Variants in TRPC7 observed in about 807,000 individuals in gnomAD.
TRPC7 encodes transient receptor potential cation channel subfamily C member 7.
Under a neutral mutation model 90.1 loss-of-function variants are expected in TRPC7, and 42 were observed. That is an observed-to-expected ratio of 0.47 (90% CI 0.36 to 0.60). The LOEUF (loss-of-function observed/expected upper bound fraction) is 0.60, where lower values mean the gene tolerates loss of function less well. TRPC7 is among the 20% of genes least tolerant of loss of function. TRPC7 has a pLI of 0.00. For missense variants in TRPC7, 955 were observed against 1,112.3 expected, an observed-to-expected ratio of 0.86 and a Z score of 2.01; for synonymous variants, 451 against 436.3, an observed-to-expected ratio of 1.03 and a Z score of -0.42.
At chr5:136,252,632 G>T (rs955142178) in intron 5 of TRPC7, among the ~76,000 whole-genome samples, 1 of 149,980 alleles carries the variant, frequency 6.7e-6, no homozygotes, top group Admixed American at 6.6e-5. Context: ...TGGAGTGGGG[G>T]TGGAGGGTGG....
chr5:136,294,479 G>A (rs1758085568), intron 3 of TRPC7, among the ~76,000 whole-genome samples: 1 of 152,038 alleles, frequency 6.6e-6, no homozygotes, highest in African/African-American at 2.4e-5. Context: ...AGTGGGCGAA[G>A]GATATGAACA....
intron 3 of TRPC7, among the ~76,000 whole-genome samples, chr5:136,305,317 C>G (rs61299732): frequency 0.18 from 27,669 of 151,934 alleles, 3,956 homozygotes; most frequent in African/African-American, 0.39. Context: ...CAGGCCTAAT[C>G]GCCACACACC....
intron 3 of TRPC7, among the ~76,000 whole-genome samples, chr5:136,279,422 C>CGGG (rs1258656101): frequency 2.6e-5 from 4 of 152,134 alleles, no homozygotes; most frequent in Non-Finnish European, 4.4e-5. Flanking sequence ...TTCCTGAGTG[C>CGGG]GGGGGTGAAG....
chr5:136,264,462 G>A (rs1219839280), intron 5 of TRPC7, among the ~76,000 whole-genome samples: 1 of 152,180 alleles, frequency 6.6e-6, no homozygotes, highest in East Asian at 1.9e-4. Context: ...GTACTAGGGA[G>A]AACTGGGATA....
chr5:136,335,291 G>C (rs1759618660), intron 2 of TRPC7, among the ~76,000 whole-genome samples: 1 of 151,992 alleles, frequency 6.6e-6, no homozygotes, highest in African/African-American at 2.4e-5. Context: ...TTCAAAATCT[G>C]CAAGCTGAAC....
rs1464634158 is a variant in TRPC7 at position 136,236,745 on chromosome 5, A to G, written c.1845-5196T>C. ...AGAGGCAGTTGTATACGGGCCTCAG[A>G]GAGCAAACTGATCAACAAGGAGAGG... is the stretch of plus-strand genomic sequence containing the variant. On this transcript the variant is annotated intron_variant, in intron 7 of 11. Transcript: ENST00000513104. Among the ~76,000 whole-genome samples, 5 of 152,218 alleles carry G rather than the reference A, an allele frequency of 3.3e-5. No individual in the cohort carries two copies. In the East Asian group the frequency reaches 9.6e-4, roughly 29 times the overall value.
At chr5:136,309,346 C>T (rs1475674815) in intron 3 of TRPC7, among the ~76,000 whole-genome samples, 1 of 152,232 alleles carries the variant, frequency 6.6e-6, no homozygotes, top group Non-Finnish European at 1.5e-5. Context: ...GCAGGACTAT[C>T]AGACCTACTG....
chr5:136,321,571 A>C (rs1263649658), intron 2 of TRPC7, among the ~76,000 whole-genome samples: 2 of 152,192 alleles, frequency 1.3e-5, no homozygotes. Flanking sequence ...CACAAATAAC[A>C]AGATAAAAAC....
intron 8 of TRPC7, 129 bp from the exon 9 acceptor site, chr5:136,226,384 T>C: frequency 3.0e-6 from 2 of 672,646 alleles, no homozygotes; most frequent in South Asian, 3.8e-5. Context: ...GGTGTAGTTT[T>C]TCTACAGATG....
At chr5:136,364,805 C>T (rs1288651042) in intron 1 of TRPC7, among the ~76,000 whole-genome samples, 1 of 152,136 alleles carries the variant, frequency 6.6e-6, no homozygotes, top group African/African-American at 2.4e-5. Context: ...AGAAAAATGA[C>T]AATCTCTTTC....
chr5:136,277,321 C>T (rs1757396723), intron 3 of TRPC7, among the ~76,000 whole-genome samples: 1 of 152,232 alleles, frequency 6.6e-6, no homozygotes, highest in Admixed American at 6.5e-5. Context: ...TCCACAGCTG[C>T]ATTTATCTCT....
chr5:136,300,717 G>A (rs545006926), intron 3 of TRPC7, among the ~76,000 whole-genome samples: 36 of 152,226 alleles, frequency 2.4e-4, no homozygotes, highest in Non-Finnish European at 4.7e-4. Flanking sequence ...TCTAGGGCCA[G>A]CCTGGAACAT....
chr5:136,233,080 G>A (rs1335636887), intron 7 of TRPC7, among the ~76,000 whole-genome samples: 1 of 152,140 alleles, frequency 6.6e-6, no homozygotes, highest in African/African-American at 2.4e-5. Context: ...GGGTGTATGT[G>A]TATCTGTGTG....
rs183858274 is a variant in TRPC7, at chr5:136,304,743, G to A, written c.963+10854C>T. 2.4e-4 allele frequency among the ~76,000 whole-genome samples: 36 copies of A among 151,054 alleles called. No individual in the cohort carries two copies. In the Middle Eastern group the frequency reaches 0.014, roughly 57 times the overall value. Reference sequence around the variant, plus strand: ...TTCATCCTCATCTGTTACCTATCTCGGCATAATTCTCATAAAAACACACGT... The same window carrying A: ...TTCATCCTCATCTGTTACCTATCTCAGCATAATTCTCATAAAAACACACGT... On this transcript the variant is annotated intron_variant, in intron 3 of 11. Coordinates refer to ENST00000513104, the MANE Select transcript of TRPC7 (RefSeq NM_020389.3).
At chr5:136,346,655 T>C (rs770935456) in intron 2 of TRPC7, among the ~76,000 whole-genome samples, 1 of 152,158 alleles carries the variant, frequency 6.6e-6, no homozygotes, top group Non-Finnish European at 1.5e-5. Context: ...TAACCTCCGG[T>C]TTTCTCCGGA....
intron 5 of TRPC7, among the ~76,000 whole-genome samples, chr5:136,262,278 C>T (rs1363676373): frequency 6.6e-6 from 1 of 152,202 alleles, no homozygotes; most frequent in East Asian, 1.9e-4. Flanking sequence ...CCTCCTCTGA[C>T]TTCATCTCTA....
chr5:136,259,145 C>T (rs1756775887), intron 5 of TRPC7, among the ~76,000 whole-genome samples: 1 of 152,198 alleles, frequency 6.6e-6, no homozygotes, highest in South Asian at 2.1e-4. Flanking sequence ...TTTGTAAGTA[C>T]TTAATAAATG....
chr5:136,267,448 AT>A (rs1439511989), intron 4 of TRPC7, among the ~76,000 whole-genome samples: 1 of 152,234 alleles, frequency 6.6e-6, no homozygotes, highest in African/African-American at 2.4e-5. Context: ...ATATTCAATT[AT>A]AACCAGTGAC....
Position 136,356,683 on chromosome 5 carries a change from G to A in TRPC7, c.705C>T (p.Ser235=), listed in dbSNP as rs1310743661. The A allele has an allele frequency of 2.5e-6, 4 of 1,604,450 alleles. No individual in the cohort carries two copies. The highest frequency in any genetic ancestry group is 1.1e-5 in the South Asian group (1 of 89,958). ...LASAAYLSLS[S]EDPVLTALEL... ...CCAGGGCGGTGAGGACAGGGTCTTC[G>A]CTGGACAGGGACAAGTAGGCAGCAC... The change falls in exon 2 of 12, where the codon AGC becomes AGT. Residue 235 remains serine, a synonymous_variant. Transcript: ENST00000513104.
Sources: gnomAD v4.1 joint callset for allele counts (sites outside exome capture counted in the v4.1 genomes callset) on GRCh38, gnomAD v4.1.1 for gene constraint, MANE v1.5 for transcripts, NCBI Gene and HGNC (gene_info 2026-07-23, HGNC 2026-07-21) for gene names.